The following MVB12A variants were observed in gnomAD, a reference collection of about 807,000 sequenced individuals.
The protein encoded by MVB12A is CIN85/CD2AP family binding protein.
MVB12A carries 30 observed loss-of-function variants against 34.3 expected under a neutral mutation model. The ratio of observed to expected loss-of-function variants is 0.88; its 90% CI spans 0.65 to 1.19. The LOEUF (loss-of-function observed/expected upper bound fraction) is 1.19. Ranked by LOEUF, MVB12A falls within the 50% of genes most tolerant of loss-of-function variation. The pLI is 0.00. For missense variants in MVB12A, 355 were observed against 369.2 expected (o/e 0.96, Z 0.31); for synonymous variants, 158 against 158.9 (o/e 0.99, Z 0.04).
intron 2 of MVB12A, among the ~76,000 whole-genome samples, chr19:17,409,318 A>ACGG (rs1483997588): frequency 3.3e-5 from 5 of 150,238 alleles, no homozygotes; most frequent in South Asian, 2.1e-4. Context: ...TTTAGGAGAG[A>ACGG]CGGGGTTTCG....
At chr19:17,413,664 C>T (rs2074782673) in intron 2 of MVB12A, among the ~76,000 whole-genome samples, 2 of 152,076 alleles carry the variant, frequency 1.3e-5, no homozygotes, top group Non-Finnish European at 2.9e-5. Context: ...GAGCCATGTT[C>T]GCATGACTGC....
chr19:17,422,338 CTG>C lies in MVB12A; in HGVS notation c.297_298del (p.Ser100GlnfsTer21). 1 of 1,612,074 alleles carries C rather than the reference CTG, an allele frequency of 6.2e-7. No individual in the cohort carries two copies. Among genetic ancestry groups the C allele is most frequent in the Non-Finnish European group, 8.5e-7 (1 of 1,178,834 alleles). On this transcript the variant is annotated frameshift_variant, in exon 4 of 9. Transcript: ENST00000317040. LOFTEE classifies it high-confidence loss of function. ...CCCTACCCCCCACTCCCAGAGGCCT[CTG>C]TGTCCAAGAAGAAACGCATGTGTGT...
intron 2 of MVB12A, among the ~76,000 whole-genome samples, chr19:17,410,057 T>G (rs1599599209): frequency 6.6e-6 from 1 of 152,196 alleles, no homozygotes; most frequent in East Asian, 1.9e-4. Context: ...ACGCCCGGCC[T>G]TCCATTACTT....
upstream of MVB12A, among the ~76,000 whole-genome samples, chr19:17,416,717 C>CTT (rs368707654): frequency 3.1e-4 from 43 of 140,540 alleles, no homozygotes; most frequent in African/African-American, 7.2e-4. Flanking sequence ...CTCAACCACC[C>CTT]TTTTTTTTTT....
chr19:17,410,573 T>TAC (rs2074762021), intron 2 of MVB12A, among the ~76,000 whole-genome samples: 2 of 124,792 alleles, frequency 1.6e-5, no homozygotes, highest in African/African-American at 7.5e-5. Context: ...TATACATATA[T>TAC]ATACATATAT....
chr19:17,417,803 A>G, upstream of MVB12A: 1 of 277,608 alleles, frequency 3.6e-6, no homozygotes. Flanking sequence ...TCAAATTTGG[A>G]CTTCTCTTTC....
chr19:17,423,355 G>T, intron 4 of MVB12A, 143 bp from the exon 5 acceptor site: 4 of 1,043,094 alleles, frequency 3.8e-6, no homozygotes, highest in Non-Finnish European at 5.4e-6. Context: ...GCGAAACTCC[G>T]TCCCCAAAAA....
At chr19:17,407,006 T>C (rs2074733169) in intron 2 of MVB12A, among the ~76,000 whole-genome samples, 1 of 152,318 alleles carries the variant, frequency 6.6e-6, no homozygotes, top group East Asian at 1.9e-4. Flanking sequence ...AGCACTGTTC[T>C]GGCCTGCTAA....
chr19:17,412,420 C>T (rs2074775087), intron 2 of MVB12A, among the ~76,000 whole-genome samples: 1 of 152,120 alleles, frequency 6.6e-6, no homozygotes, highest in Admixed American at 6.6e-5. Flanking sequence ...GTGTGTGCCA[C>T]CACGCCCGGC....
In MVB12A at chr19:17,420,212, G is replaced by T; in HGVS notation, c.77G>T (p.Arg26Leu). Residue 26 changes from arginine to leucine, a missense_variant, in exon 1 of 9, where the codon CGG (arginine) becomes CTG (leucine). Arg to Leu is a moderately radical substitution (Grantham distance 102). Coordinates refer to ENST00000317040, the MANE Select transcript of MVB12A (RefSeq NM_138401.4). The part of the protein sequence containing the change: ...AWSSASAPPP[R>L]GFSAISCTVE... ...TCGTCGGCCTCTGCACCCCCGCCGC[G>T]GGGGTTCAGCGCGGTGAGCGGCGTC... 1.4e-6 allele frequency: 2 copies of T among 1,474,932 alleles called. No homozygotes were observed. Among genetic ancestry groups the T allele is most frequent in the East Asian group, 2.5e-5 (1 of 40,006 alleles). The allele number at this position is 1,474,932 out of a possible 1,614,324, so 91.4% of individuals were successfully genotyped here. A position where few individuals can be genotyped will look rare whatever the true frequency, so the allele number is the denominator to read the frequency against.
chr19:17,415,503 C>T (rs955743360), upstream of MVB12A: 1 of 151,340 alleles, frequency 6.6e-6, no homozygotes, highest in South Asian at 2.1e-4. Context: ...GCACCTGGTT[C>T]CGTTGCTTTT....
upstream of MVB12A, among the ~76,000 whole-genome samples, chr19:17,416,066 C>T (rs2074797808): frequency 6.6e-6 from 1 of 152,176 alleles, no homozygotes. Context: ...GTTTAAATAA[C>T]AGGCCTTGCC....
chr19:17,420,172 G>GCTGGC lies in MVB12A; in HGVS notation c.47_51dup (p.Ser18ProfsTer47), dbSNP rs1355988288. 2.1e-6 allele frequency: 3 copies of GCTGGC among 1,401,676 alleles called. No individual in the cohort carries two copies. The highest frequency in any genetic ancestry group is 2.8e-6 in the Non-Finnish European group (3 of 1,084,762). 86.8% of individuals were successfully genotyped at this position (1,401,676 alleles called of 1,614,324 possible). ...ACCCGGGACAGACTCGGCGCCGCTG[G>GCTGGC]CTGGCCTGGCCTGGTCGTCGGCCTC... On this transcript the variant is annotated frameshift_variant, in exon 1 of 9. Transcript: ENST00000317040. LOFTEE classifies it high-confidence loss of function.
At chr19:17,417,928 ACT>A (rs1014576804), upstream of MVB12A, 1 of 247,142 alleles carries the variant, frequency 4.0e-6, no homozygotes, top group African/African-American at 2.5e-5. Context: ...ATGGAGTTTC[ACT>A]CTGTCGCCCA....
chr19:17,411,909 CG>C (rs1361776877), intron 2 of MVB12A, among the ~76,000 whole-genome samples: 1 of 152,198 alleles, frequency 6.6e-6, no homozygotes, highest in Non-Finnish European at 1.5e-5. Flanking sequence ...GATGTGGCCC[CG>C]GATGGGCTTC....
At chr19:17,411,910 G>A (rs560480176) in intron 2 of MVB12A, among the ~76,000 whole-genome samples, 24 of 152,310 alleles carry the variant, frequency 1.6e-4, no homozygotes, top group Middle Eastern at 3.4e-3. Flanking sequence ...ATGTGGCCCC[G>A]GATGGGCTTC....
intron 6 of MVB12A, 62 bp from the exon 7 acceptor site, chr19:17,423,944 C>T: frequency 6.3e-7 from 1 of 1,595,346 alleles, no homozygotes; most frequent in Non-Finnish European, 8.6e-7. Flanking sequence ...CGGGTTGGGC[C>T]TCTGTGGGTG....
At chr19:17,412,253 T>C (rs1278747749) in intron 2 of MVB12A, among the ~76,000 whole-genome samples, 1 of 152,052 alleles carries the variant, frequency 6.6e-6, no homozygotes, top group Non-Finnish European at 1.5e-5. Flanking sequence ...TCTTTCTCTC[T>C]CTTTTGCTCT....
chr19:17,406,931 C>A (rs1004828258), intron 2 of MVB12A, among the ~76,000 whole-genome samples: 1 of 152,144 alleles, frequency 6.6e-6, no homozygotes, highest in African/African-American at 2.4e-5. Context: ...CCAGCCTGGC[C>A]AGGACTCCAG....
Sources: gnomAD v4.1 joint callset for allele counts (sites outside exome capture counted in the v4.1 genomes callset) on GRCh38, gnomAD v4.1.1 for gene constraint, MANE v1.5 for transcripts, NCBI Gene and HGNC (gene_info 2026-07-23, HGNC 2026-07-21) for gene names.